The following HTATIP2 variants were observed in gnomAD, a reference collection of about 807,000 sequenced individuals.
HTATIP2 encodes protein HTATIP2.
HTATIP2 carries 26 observed loss-of-function variants against 24.7 expected under a neutral mutation model. That is an observed-to-expected ratio of 1.05 (90% CI 0.77 to 1.46). The LOEUF (loss-of-function observed/expected upper bound fraction) is 1.46. Ranked by LOEUF, HTATIP2 falls within the 40% of genes most tolerant of loss-of-function variation. The pLI, the probability that HTATIP2 is intolerant of heterozygous loss-of-function variation, is 0.00. For missense variants in HTATIP2, 284 were observed against 289.6 expected, an observed-to-expected ratio of 0.98 and a Z score of 0.14; for synonymous variants, 99 against 113.2, an observed-to-expected ratio of 0.87 and a Z score of 0.79.
intron 2 of HTATIP2, among the ~76,000 whole-genome samples, chr11:20,370,705 A>G (rs541332125): frequency 3.9e-5 from 6 of 152,160 alleles, no homozygotes; most frequent in Non-Finnish European, 5.9e-5. Context: ...GCTAGAGTGC[A>G]GTGGCGCAAT....
At chr11:20,366,251 A>C (rs753583262) in intron 1 of HTATIP2, among the ~76,000 whole-genome samples, 1 of 150,958 alleles carries the variant, frequency 6.6e-6, no homozygotes, top group South Asian at 2.1e-4. Context: ...ACAGGTGCCT[A>C]CCACCACAAC....
In HTATIP2 at chr11:20,383,114, A is replaced by G; in HGVS notation, c.638A>G (p.Asn213Ser). ...VVTVVRAMLN[N>S]VVRPRDKQME... ...ACCGTGGTTAGAGCAATGCTGAACA[A>G]TGTGGTGAGACCAAGAGACAAGCAG... is the stretch of plus-strand genomic sequence containing the variant. Residue 213 changes from asparagine (N) to serine (S), a missense_variant, in exon 5 of 5, where the codon AAT becomes AGT. Coordinates refer to ENST00000451739, the MANE Select transcript of HTATIP2 (RefSeq NM_001098522.2). The G allele has an allele frequency of 6.2e-7, 1 of 1,614,084 alleles. No homozygotes were observed. Among genetic ancestry groups the G allele is most frequent in the Non-Finnish European group, 8.5e-7 (1 of 1,180,020 alleles).
At position 20,363,963 on chromosome 11, in the gene HTATIP2, C is replaced by T. The variant is rs1387992050; in HGVS notation, c.-275C>T. ...GCTGGGCCAGGTCTCCTGGCCGGGC[C>T]GGGGATACCGTGGGGTATGCCCAGT... On this transcript the variant is annotated 5_prime_UTR_variant, in exon 1 of 5. Transcript: ENST00000451739. The T allele has an allele frequency of 2.4e-6, 3 of 1,243,820 alleles. No homozygotes were observed. Among genetic ancestry groups the T allele is most frequent in the Non-Finnish European group, 3.0e-6 (3 of 992,358 alleles). The allele number at this position is 1,243,820 out of a possible 1,614,324, so 77.0% of individuals were successfully genotyped here. A position where few individuals can be genotyped will look rare whatever the true frequency, so the allele number is the denominator to read the frequency against.
At position 20,364,029 on chromosome 11, in the gene HTATIP2, C is replaced by T; in HGVS notation, c.-209C>T. 17 of 1,305,910 alleles carry T rather than the reference C, an allele frequency of 1.3e-5. No homozygotes were observed. Among genetic ancestry groups the T allele is most frequent in the East Asian group, 2.9e-5 (1 of 34,092 alleles). 80.9% of individuals were successfully genotyped at this position (1,305,910 alleles called of 1,614,324 possible). ...TGGCACCTGGGCGCACCCTCCAGCT[C>T]GGGCCCCTTCCGATGGGTCTGCTGG... On this transcript the variant is annotated 5_prime_UTR_variant, in exon 1 of 5. Coordinates refer to ENST00000451739, the MANE Select transcript of HTATIP2 (RefSeq NM_001098522.2).
chr11:20,365,281 G>A lies in HTATIP2; in HGVS notation c.195+849G>A, dbSNP rs143769365. On this transcript the variant is annotated intron_variant, in intron 1 of 4. Transcript: ENST00000451739. ...TGCGATTACAGGCGTGAGCCACCGC[G>A]CCCAGCCTAAGTTACACTTTTATGA... is the stretch of plus-strand genomic sequence containing the variant. Among the ~76,000 whole-genome samples the A allele has an allele frequency of 3.9e-5, 6 of 152,256 alleles. No homozygotes were observed. In the South Asian group the frequency reaches 6.2e-4, roughly 16 times the overall value.
At position 20,376,844 on chromosome 11, in the gene HTATIP2, C is replaced by T. The variant is rs3740748; in HGVS notation, c.441+127C>T. The stretch of plus-strand genomic sequence containing the variant: ...ATCATATTATGCATTTGTATGGCTA[C>T]GGGACTGCAGGAATATATTTAGTAA... On this transcript the variant is annotated intron_variant, in intron 3 of 4. Transcript: ENST00000451739. 8.2e-4 allele frequency: 514 copies of T among 623,162 alleles called. 1 individual carries two copies. The East Asian group carries it at 0.012, about 14-fold the overall frequency. The allele number at this position is 623,162 out of a possible 1,614,324, so 38.6% of individuals were successfully genotyped here.
intron 1 of HTATIP2, among the ~76,000 whole-genome samples, chr11:20,365,951 A>ACAGAG (rs1423104466): frequency 7.1e-6 from 1 of 140,554 alleles, no homozygotes; most frequent in Non-Finnish European, 1.5e-5. Context: ...AGCCTGGGTG[A>ACAGAG]CAGAGCGAGA....
chr11:20,376,761 G>A lies in HTATIP2; in HGVS notation c.441+44G>A, dbSNP rs150829528. ...TTTTCATACACTTTGGAGAACCCTA[G>A]CTATTTGGCAGTACTAAAGAATATA... is the stretch of plus-strand genomic sequence containing the variant. On this transcript the variant is annotated intron_variant, in intron 3 of 4. Transcript: ENST00000451739. 84 of 1,502,474 alleles carry A rather than the reference G, an allele frequency of 5.6e-5. No homozygotes were observed. In the East Asian group the frequency reaches 1.9e-3, roughly 34 times the overall value. The allele number at this position is 1,502,474 out of a possible 1,614,324, so 93.1% of individuals were successfully genotyped here.
Position 20,363,785 on chromosome 11 carries a change from T to G in HTATIP2, c.-453T>G. ...TCTCCGTCGCCTCCAACCCCCCCGG[T>G]CCGACCAGGGAAGGTGGGATGCTCT... On this transcript the variant is annotated 5_prime_UTR_variant, in exon 1 of 5. Coordinates refer to ENST00000451739, the MANE Select transcript of HTATIP2 (RefSeq NM_001098522.2). 1 of 1,241,314 alleles carries G rather than the reference T, an allele frequency of 8.1e-7. No homozygotes were observed. The highest frequency in any genetic ancestry group is 1.0e-6 in the Non-Finnish European group (1 of 987,944). The allele number at this position is 1,241,314 out of a possible 1,614,324, so 76.9% of individuals were successfully genotyped here.
intron 1 of HTATIP2, among the ~76,000 whole-genome samples, chr11:20,365,731 G>A (rs1470020249): frequency 6.6e-6 from 1 of 152,028 alleles, no homozygotes; most frequent in Non-Finnish European, 1.5e-5. Context: ...CAGAGCTTTG[G>A]GAGTCCGAGG....
chr11:20,376,756 C>T, intron 3 of HTATIP2, 39 bp downstream of exon 3: 1 of 1,540,692 alleles, frequency 6.5e-7, no homozygotes, highest in African/African-American at 1.4e-5. Flanking sequence ...CTTTGGAGAA[C>T]CCTAGCTATT....
chr11:20,367,476 C>G (rs1168925481), intron 2 of HTATIP2, 195 bp downstream of exon 2: 3 of 1,462,770 alleles, frequency 2.1e-6, no homozygotes, highest in African/African-American at 2.8e-5. Flanking sequence ...CAAAGTAATC[C>G]TTGAGTTCAG....
rs3781679 is a variant in HTATIP2 at position 20,383,211 on chromosome 11, T to C, written c.*6T>C. The C allele has an allele frequency of 0.91, 1,458,938 of 1,608,170 alleles. 671,750 individuals carry two copies. Among genetic ancestry groups the C allele is most frequent in the Non-Finnish European group, 0.95 (1,116,086 of 1,175,870 alleles). ...ATGGCTCTCTCAAGCCATGACCACATTGGAGAAATGGTTTTTATTGTCAAC... is the reference window on the plus strand; with the variant it reads ...ATGGCTCTCTCAAGCCATGACCACACTGGAGAAATGGTTTTTATTGTCAAC... On this transcript the variant is annotated 3_prime_UTR_variant, in exon 5 of 5. Coordinates refer to ENST00000451739, the MANE Select transcript of HTATIP2 (RefSeq NM_001098522.2).
chr11:20,377,046 G>T (rs1052412888), intron 3 of HTATIP2, among the ~76,000 whole-genome samples: 1 of 152,026 alleles, frequency 6.6e-6, no homozygotes, highest in Admixed American at 6.6e-5. Context: ...ATGACTGAGC[G>T]GAAAGAAGAG....
chr11:20,366,099 CTTTTTTT>C (rs746247166), intron 1 of HTATIP2, among the ~76,000 whole-genome samples: 1,209 of 108,672 alleles, frequency 0.011, 15 homozygotes, highest in South Asian at 0.047. Context: ...CTTTTCTTTT[CTTTTTTT>C]TTTTTTTTTT....
intron 4 of HTATIP2, among the ~76,000 whole-genome samples, chr11:20,382,475 C>T (rs1343705233): frequency 1.3e-5 from 2 of 152,206 alleles, no homozygotes; most frequent in African/African-American, 4.8e-5. Context: ...CTTCTTAAAT[C>T]CTCTTCATGT....
intron 3 of HTATIP2, among the ~76,000 whole-genome samples, chr11:20,379,911 C>G (rs973724927): frequency 6.6e-6 from 1 of 152,166 alleles, no homozygotes; most frequent in Admixed American, 6.5e-5. Flanking sequence ...TACAACTTAT[C>G]GCATTGAAAG....
chr11:20,366,847 T>G (rs1020496316), intron 1 of HTATIP2, among the ~76,000 whole-genome samples: 12 of 152,200 alleles, frequency 7.9e-5, no homozygotes, highest in Non-Finnish European at 1.6e-4. Flanking sequence ...CGCCATCTCT[T>G]GCCCTCACAT....
intron 1 of HTATIP2, among the ~76,000 whole-genome samples, chr11:20,366,188 G>C (rs1187474709): frequency 7.4e-6 from 1 of 134,900 alleles, no homozygotes; most frequent in South Asian, 2.5e-4. Context: ...TGCAAGCTCC[G>C]CTTCCTGGGT....
Sources: allele counts gnomAD v4.1 joint callset (sites outside exome capture counted in the v4.1 genomes callset), GRCh38; gene constraint gnomAD v4.1.1; transcripts MANE v1.5; gene names NCBI Gene and HGNC (gene_info 2026-07-23, HGNC 2026-07-21).